MGAT3: variants seen among roughly 807,000 people sequenced by gnomAD.
The protein encoded by MGAT3 is GlcNAc-T III.
In MGAT3, 9 loss-of-function variants were observed where a neutral mutation model predicts 29.8. The ratio of observed to expected loss-of-function variants is 0.30; its 90% CI spans 0.18 to 0.53. MGAT3 has a LOEUF of 0.53. Among genes scored for constraint, MGAT3 ranks in the 20% least tolerant of loss-of-function variants. MGAT3 has a pLI of 0.96. For synonymous variants in MGAT3, 397 were observed against 348.9 expected (o/e 1.14, Z -1.54); for missense variants, 557 against 769.5 (o/e 0.72, Z 3.27).
At chr22:39,479,181 T>A (rs1929053732) in intron 1 of MGAT3, among the ~76,000 whole-genome samples, 1 of 152,084 alleles carries the variant, frequency 6.6e-6, no homozygotes, top group Admixed American at 6.5e-5. Context: ...TACAAAAAAA[T>A]GTTTAAAAAA....
Position 39,478,159 on chromosome 22 carries a change from CT to C in MGAT3, c.-1-9185del, listed in dbSNP as rs1398223966. 3.9e-5 allele frequency among the ~76,000 whole-genome samples: 6 copies of C among 152,254 alleles called. No individual in the cohort carries two copies. In the South Asian group the frequency reaches 1.2e-3, roughly 31 times the overall value. On this transcript the variant is annotated intron_variant, in intron 1 of 1. Transcript: ENST00000341184. ...GGGAGACGGGCTTCAGCGCGAAGCC[CT>C]TTCGTACAGTTGAACTAACTCCTGG...
In MGAT3 at chr22:39,490,148, G is replaced by C. The variant is rs1421835330; in HGVS notation, c.*1199G>C. ...AGATTGAGATGGCCCAGAGCTGGTA[G>C]GGCAGCTCTGCGTTTCTTCATACGC... is the stretch of plus-strand genomic sequence containing the variant. On this transcript the variant is annotated 3_prime_UTR_variant, in exon 2 of 2. Coordinates refer to ENST00000341184, the MANE Select transcript of MGAT3 (RefSeq NM_002409.5). 1 of 167,098 alleles carries C rather than the reference G, an allele frequency of 6.0e-6. No individual in the cohort carries two copies. Among genetic ancestry groups the C allele is most frequent in the Non-Finnish European group, 1.5e-5 (1 of 68,132 alleles). The allele number at this position is 167,098 out of a possible 1,614,324, so 10.4% of individuals were successfully genotyped here.
rs1929294849 is a variant in MGAT3 at position 39,487,087 on chromosome 22, G to C, written c.-1-260G>C. Among the ~76,000 whole-genome samples, 1 of 152,162 alleles carries C rather than the reference G, an allele frequency of 6.6e-6. No individual in the cohort carries two copies. The highest frequency in any genetic ancestry group is 1.5e-5 in the Non-Finnish European group (1 of 68,026). ...TGGGGTGGGCCAGGCGGAGAAGCAGGCTGCAGAGGGGGCAGGGTGGTGGCC... is the reference window on the plus strand; with the variant it reads ...TGGGGTGGGCCAGGCGGAGAAGCAGCCTGCAGAGGGGGCAGGGTGGTGGCC... On this transcript the variant is annotated intron_variant, in intron 1 of 1. Coordinates refer to ENST00000341184, the MANE Select transcript of MGAT3 (RefSeq NM_002409.5). The surrounding 1 kb of genome is among the most constrained non-coding windows in gnomAD (Gnocchi z 5.7).
rs375074407 is a variant in MGAT3 at position 39,488,097 on chromosome 22, G to T, written c.750G>T (p.Pro250=). 1.9e-6 allele frequency: 3 copies of T among 1,612,128 alleles called. No individual in the cohort carries two copies. Among genetic ancestry groups the T allele is most frequent in the Non-Finnish European group, 2.5e-6 (3 of 1,179,110 alleles). ...TCACGGCTTATGGGGAGCCGCGGCC[G>T]CTCAAGTTCCGGGAGATGCTGACCA... The part of the protein sequence containing the change: ...SNFTAYGEPR[P]LKFREMLTNG... Residue 250 remains proline (P), a synonymous_variant, in exon 2 of 2, where the codon CCG becomes CCT. Transcript: ENST00000341184.
chr22:39,471,422 T>C (rs1928806308), intron 1 of MGAT3, among the ~76,000 whole-genome samples: 1 of 152,140 alleles, frequency 6.6e-6, no homozygotes. Context: ...GCTGTGTTCC[T>C]TCCTTCCTCT....
intron 1 of MGAT3, among the ~76,000 whole-genome samples, chr22:39,486,855 G>GT (rs1490894849): frequency 6.6e-6 from 1 of 152,136 alleles, no homozygotes; most frequent in Admixed American, 6.5e-5. Flanking sequence ...AGACCTGTGA[G>GT]TTTTTTCAGT....
At chr22:39,476,512 A>G (rs1407765323) in intron 1 of MGAT3, 1 of 152,270 alleles carries the variant, frequency 6.6e-6, no homozygotes, top group East Asian at 1.9e-4. Context: ...TCCAGGGAAG[A>G]TGGAGTCTTT....
chr22:39,470,466 G>A lies in MGAT3; in HGVS notation c.-2+12909G>A, dbSNP rs116354405. Among the ~76,000 whole-genome samples, 511 of 152,348 alleles carry A rather than the reference G, an allele frequency of 3.4e-3. 4 individuals are homozygous for A. Among genetic ancestry groups the A allele is most frequent in the African/African-American group, 0.011 (477 of 41,570 alleles). On this transcript the variant is annotated intron_variant, in intron 1 of 1. Transcript: ENST00000341184. ...TCAGCAGAAACGCAGGCATCAGATGGCCAGGGTCCATGGCACGCAGAGGAG... is the reference window on the plus strand; with the variant it reads ...TCAGCAGAAACGCAGGCATCAGATGACCAGGGTCCATGGCACGCAGAGGAG...
In MGAT3 at chr22:39,487,814, G is replaced by A. The variant is rs1929326344; in HGVS notation, c.467G>A (p.Arg156Gln). The change falls in exon 2 of 2, where the codon CGG (arginine) becomes CAG (glutamine). Residue 156 changes from arginine (R) to glutamine (Q), a missense_variant. Around this residue, in one of 3 missense-constraint regions of MGAT3, gnomAD observed 212 missense variants for 228.5 expected, o/e 0.93. Transcript: ENST00000341184. This position sits in a 1 kb window ranked among gnomAD's most constrained non-coding sequence, Gnocchi z 5.7. ...CCACCCCGGTACCTCCTGAGCGCCCGGGAGCGCACGGGGGGCCGAGGCGCC... is the reference window on the plus strand; with the variant it reads ...CCACCCCGGTACCTCCTGAGCGCCCAGGAGCGCACGGGGGGCCGAGGCGCC... ...RRPPRYLLSA[R>Q]ERTGGRGARR... 3 of 1,496,674 alleles carry A rather than the reference G, an allele frequency of 2.0e-6. No homozygotes were observed. The highest frequency in any genetic ancestry group is 2.4e-5 in the East Asian group (1 of 41,400). The allele number at this position is 1,496,674 out of a possible 1,614,324, so 92.7% of individuals were successfully genotyped here. A position where few individuals can be genotyped will look rare whatever the true frequency, so the allele number is the denominator to read the frequency against.
intron 1 of MGAT3, among the ~76,000 whole-genome samples, chr22:39,465,686 C>G (rs1221060213): frequency 6.6e-6 from 1 of 152,110 alleles, no homozygotes; most frequent in African/African-American, 2.4e-5. Context: ...AACTCCAGCA[C>G]TTTGGGAGGC....
Position 39,488,849 on chromosome 22 carries a change from C to T in MGAT3, c.1502C>T (p.Pro501Leu), listed in dbSNP as rs1260975397. The change falls in exon 2 of 2, where the codon CCC (proline) becomes CTC (leucine). Residue 501 changes from proline to leucine, a missense_variant. Pro to Leu is a moderately conservative substitution (Grantham distance 98, BLOSUM62 -3). Coordinates refer to ENST00000341184, the MANE Select transcript of MGAT3 (RefSeq NM_002409.5). ...YDRFHYLLDN[P>L]YQEPRSTAAG... ...CGGTTCCACTACCTGCTGGACAACC[C>T]CTACCAGGAGCCCAGGAGCACGGCG... 1.2e-6 allele frequency: 2 copies of T among 1,608,172 alleles called. No homozygotes were observed. Among genetic ancestry groups the T allele is most frequent in the Admixed American group, 1.7e-5 (1 of 59,184 alleles).
At chr22:39,459,553 T>TC (rs751722725) in intron 1 of MGAT3, among the ~76,000 whole-genome samples, 1 of 152,128 alleles carries the variant, frequency 6.6e-6, no homozygotes, top group East Asian at 1.9e-4. Flanking sequence ...AGCCCCAACC[T>TC]CCTGGGCTCA....
rs1929358412 is a variant in MGAT3, at chr22:39,488,556, G to A, written c.1209G>A (p.Leu403=). 2 of 1,613,156 alleles carry A rather than the reference G, an allele frequency of 1.2e-6. No individual in the cohort carries two copies. The highest frequency in any genetic ancestry group is 1.7e-6 in the Non-Finnish European group (2 of 1,180,020). ...ATGAGAACCGCACCGGCCACATCCT[G>A]GTGCAGTGGTCGCTGGGCAGCCCCC... is the stretch of plus-strand genomic sequence containing the variant. ...RQYENRTGHI[L]VQWSLGSPLH... The change falls in exon 2 of 2, where the codon CTG becomes CTA. Residue 403 remains leucine, a synonymous_variant. Coordinates refer to ENST00000341184, the MANE Select transcript of MGAT3 (RefSeq NM_002409.5).
At position 39,489,363 on chromosome 22, in the gene MGAT3, C is replaced by T; in HGVS notation, c.*414C>T. 4.3e-6 allele frequency: 1 copy of T among 234,362 alleles called. No individual in the cohort carries two copies. Among genetic ancestry groups the T allele is most frequent in the Non-Finnish European group, 9.1e-6 (1 of 109,892 alleles). The allele number at this position is 234,362 out of a possible 1,614,324, so 14.5% of individuals were successfully genotyped here. A position where few individuals can be genotyped will look rare whatever the true frequency, so the allele number is the denominator to read the frequency against. ...CCATTTGGCATCCCTGGGCCTTGGG[C>T]TCCGTGTGGGAGACCGGCCTGCCAG... On this transcript the variant is annotated 3_prime_UTR_variant, in exon 2 of 2. Coordinates refer to ENST00000341184, the MANE Select transcript of MGAT3 (RefSeq NM_002409.5).
At chr22:39,469,863 G>T (rs1360657920) in intron 1 of MGAT3, among the ~76,000 whole-genome samples, 2 of 152,270 alleles carry the variant, frequency 1.3e-5, no homozygotes, top group East Asian at 3.8e-4. Context: ...GGGCAGGGCG[G>T]CGCTGAACTC....
At chr22:39,464,917 AT>A (rs958651713) in intron 1 of MGAT3, among the ~76,000 whole-genome samples, 17 of 144,088 alleles carry the variant, frequency 1.2e-4, no homozygotes, top group Non-Finnish European at 1.7e-4. Context: ...CACCTGGCTA[AT>A]TTTTTTTTTC....
rs1416339320 is a variant in MGAT3 at position 39,487,205 on chromosome 22, C to A, written c.-1-142C>A. 2.3e-6 allele frequency: 2 copies of A among 858,116 alleles called. No individual in the cohort carries two copies. The highest frequency in any genetic ancestry group is 3.6e-6 in the Non-Finnish European group (2 of 549,360). The allele number at this position is 858,116 out of a possible 1,614,324, so 53.2% of individuals were successfully genotyped here. On this transcript the variant is annotated intron_variant, in intron 1 of 1. Transcript: ENST00000341184. This position sits in a 1 kb window ranked among gnomAD's most constrained non-coding sequence, Gnocchi z 5.7. ...GGTACCGCGAGTTGACTCTTGGGGG[C>A]AGGAGGTCACTCCATGCAGGGGCAG...
In MGAT3 at chr22:39,490,690, GA is replaced by G. The variant is rs1213460919; in HGVS notation, c.*1743del. 6.0e-6 allele frequency: 1 copy of G among 167,228 alleles called. No homozygotes were observed. Among genetic ancestry groups the G allele is most frequent in the East Asian group, 1.9e-4 (1 of 5,282 alleles). 10.4% of individuals were successfully genotyped at this position (167,228 alleles called of 1,614,324 possible). A position where few individuals can be genotyped will look rare whatever the true frequency, so the allele number is the denominator to read the frequency against. ...TGCCGGTTTGCAGAGTTGGCCTGTG[GA>G]ATGGCTCATGTTTGTGCGTGTGTGT... On this transcript the variant is annotated 3_prime_UTR_variant, in exon 2 of 2. Coordinates refer to ENST00000341184, the MANE Select transcript of MGAT3 (RefSeq NM_002409.5).
intron 1 of MGAT3, among the ~76,000 whole-genome samples, chr22:39,458,309 G>T (rs1324922520): frequency 6.8e-6 from 1 of 146,940 alleles, no homozygotes; most frequent in Non-Finnish European, 1.5e-5. Flanking sequence ...CGCGCGGCCA[G>T]ACCTAGTGGT....
Sources: gnomAD v4.1 joint callset for allele counts (sites outside exome capture counted in the v4.1 genomes callset) on GRCh38, gnomAD v4.1.1 for gene constraint, gnomAD v4.1.1 regional missense constraint, Gnocchi (gnomAD v3.1) non-coding constraint, MANE v1.5 for transcripts, NCBI Gene and HGNC (gene_info 2026-07-23, HGNC 2026-07-21) for gene names.